The following DPP8 variants were observed in gnomAD, a reference collection of about 807,000 sequenced individuals.
The protein encoded by DPP8 is dipeptidyl peptidase 8.
Under a neutral mutation model 107.5 loss-of-function variants are expected in DPP8, and 31 were observed. That is an observed-to-expected ratio of 0.29 (90% CI 0.22 to 0.39). The LOEUF (loss-of-function observed/expected upper bound fraction) is 0.39, where lower values mean the gene tolerates loss of function less well. Ranked by LOEUF, DPP8 falls within the 10% of genes least tolerant of loss-of-function variation. The pLI is 1.00. For missense variants in DPP8, 842 were observed against 1,076.1 expected, an observed-to-expected ratio of 0.78 and a Z score of 3.04; for synonymous variants, 381 against 356.6, an observed-to-expected ratio of 1.07 and a Z score of -0.77.
chr15:65,500,738 T>TA lies in DPP8; in HGVS notation c.413dup (p.Leu139IlefsTer30). ...TTCCAATGCGTTTTCTTTCTCTTAA[T>TA]AGTTCTTCTTCTCGAGAATACATTC... On this transcript the variant is annotated frameshift_variant, in exon 4 of 20. Transcript: ENST00000300141. LOFTEE classifies it high-confidence loss of function. The TA allele has an allele frequency of 6.2e-7, 1 of 1,614,116 alleles. No individual in the cohort carries two copies.
In DPP8 at chr15:65,466,747, G is replaced by C; in HGVS notation, c.1756C>G (p.Leu586Val). Residue 586 changes from leucine to valine, a missense_variant, in exon 14 of 20, where the codon CTA becomes GTA. By Grantham distance (32) the Leu-to-Val change is conservative. Transcript: ENST00000300141. ...KNPHCVSLYK[L>V]SSPEDDPTCK... ...GTTGGGTCATCTTCAGGACTTGATA[G>C]CTTGTAAAGGGACACACAGTGTGGA... 6.2e-7 allele frequency: 1 copy of C among 1,613,894 alleles called. No individual in the cohort carries two copies. The highest frequency in any genetic ancestry group is 8.5e-7 in the Non-Finnish European group (1 of 1,179,800).
chr15:65,468,893 G>A (rs1291327213), intron 12 of DPP8, among the ~76,000 whole-genome samples: 1 of 152,120 alleles, frequency 6.6e-6, no homozygotes, highest in East Asian at 1.9e-4. Context: ...TATCATAATT[G>A]TGTGGGGGGC....
chr15:65,504,143 AC>A (rs1321555021), intron 3 of DPP8, among the ~76,000 whole-genome samples: 1 of 150,822 alleles, frequency 6.6e-6, no homozygotes, highest in African/African-American at 2.4e-5. Flanking sequence ...TGGGAGGATC[AC>A]CTGAGGTCGG....
chr15:65,507,439 T>C, intron 2 of DPP8, 84 bp from the exon 3 acceptor site: 1 of 783,770 alleles, frequency 1.3e-6, no homozygotes, highest in Non-Finnish European at 2.1e-6. Context: ...TAATGCCTTC[T>C]ATACACTGCA....
intron 4 of DPP8, among the ~76,000 whole-genome samples, chr15:65,499,317 C>G (rs2068953158): frequency 6.6e-6 from 1 of 151,840 alleles, no homozygotes; most frequent in Non-Finnish European, 1.5e-5. Flanking sequence ...CAACCTCCAT[C>G]CAACTCCCAG....
chr15:65,487,893 G>T, intron 6 of DPP8, 75 bp from the exon 7 acceptor site: 1 of 1,003,476 alleles, frequency 1.0e-6, no homozygotes, highest in Non-Finnish European at 1.5e-6. Context: ...GTTCCTTCTA[G>T]TATCAGATTT....
chr15:65,508,866 G>C (rs2070403724), intron 2 of DPP8, among the ~76,000 whole-genome samples: 2 of 151,948 alleles, frequency 1.3e-5, no homozygotes, highest in Admixed American at 6.6e-5. Flanking sequence ...AAAAAAAAGG[G>C]GTATTGCTTC....
intron 3 of DPP8, among the ~76,000 whole-genome samples, chr15:65,506,597 C>G (rs188986948): frequency 6.7e-6 from 1 of 150,020 alleles, no homozygotes; most frequent in East Asian, 1.9e-4. Flanking sequence ...TCTTATTAAA[C>G]ATATATATAT....
chr15:65,451,948 G>T lies in DPP8; in HGVS notation c.2414+12C>A, dbSNP rs1304334730. On this transcript the variant is annotated intron_variant, in intron 18 of 19. Transcript: ENST00000300141. ...TCAATTTAAAAAAAAAAAAAAAAAAGCTTGCACTTACTCAGAGGGGAACTT... is the reference window on the plus strand; with the variant it reads ...TCAATTTAAAAAAAAAAAAAAAAAATCTTGCACTTACTCAGAGGGGAACTT... 6.9e-7 allele frequency: 1 copy of T among 1,457,214 alleles called. No individual in the cohort carries two copies. Among genetic ancestry groups the T allele is most frequent in the South Asian group, 1.3e-5 (1 of 75,256 alleles). 90.3% of individuals were successfully genotyped at this position (1,457,214 alleles called of 1,614,324 possible). A position where few individuals can be genotyped will look rare whatever the true frequency, so the allele number is the denominator to read the frequency against.
chr15:65,457,343 G>A (rs545773119), intron 15 of DPP8, among the ~76,000 whole-genome samples: 142 of 152,142 alleles, frequency 9.3e-4, no homozygotes, highest in African/African-American at 3.3e-3. Context: ...GCAACACAGT[G>A]AGACTCTGTC....
chr15:65,471,346 TTTG>T (rs2065879064), intron 12 of DPP8, among the ~76,000 whole-genome samples: 1 of 152,140 alleles, frequency 6.6e-6, no homozygotes, highest in Non-Finnish European at 1.5e-5. Context: ...CCCTGAAGTT[TTTG>T]TTGTTGCTGT....
intron 8 of DPP8, among the ~76,000 whole-genome samples, chr15:65,481,967 A>AATAT (rs34958127): frequency 6.7e-5 from 10 of 148,982 alleles, no homozygotes; most frequent in Middle Eastern, 3.5e-3. Context: ...TTCACCTAGA[A>AATAT]ATATATATAT....
At position 65,500,655 on chromosome 15, in the gene DPP8, G is replaced by A. The variant is rs778796067; in HGVS notation, c.497C>T (p.Ala166Val). ...TTTTACGTGATAAATTCCACTACCG[G>A]CTTGAAACAGAAATGTTCCACTTCC... ...HQGSGTFLFQ[A>V]GSGIYHVKDG... The change falls in exon 4 of 20, where the codon GCC becomes GTC. Residue 166 changes from alanine to valine, a missense_variant. Transcript: ENST00000300141. The A allele has an allele frequency of 1.2e-6, 2 of 1,613,744 alleles. No individual in the cohort carries two copies. The highest frequency in any genetic ancestry group is 3.3e-5 in the Admixed American group (2 of 59,952).
At chr15:65,507,459 A>T (rs567332698) in intron 2 of DPP8, 104 bp from the exon 3 acceptor site, 2 of 641,132 alleles carry the variant, frequency 3.1e-6, no homozygotes, top group Non-Finnish European at 5.4e-6. Context: ...AATATTTTGC[A>T]CTCTATGGGA....
At chr15:65,488,617 A>C (rs1385956831) in intron 6 of DPP8, among the ~76,000 whole-genome samples, 1 of 151,144 alleles carries the variant, frequency 6.6e-6, no homozygotes, top group Non-Finnish European at 1.5e-5. Context: ...AAAAAAAAAA[A>C]AAAAAAAAAA....
chr15:65,461,450 A>G (rs1291117985), intron 15 of DPP8, among the ~76,000 whole-genome samples: 3 of 152,084 alleles, frequency 2.0e-5, no homozygotes, highest in Admixed American at 6.6e-5. Context: ...TTTAAAATCT[A>G]GTTTTTAGAA....
In DPP8 at chr15:65,481,368, CA is replaced by C; in HGVS notation, c.1118+146del. On this transcript the variant is annotated intron_variant, in intron 9 of 19. Transcript: ENST00000300141. ...TACAAATGCACAAATCCACTTAATTCAAGAAAAATGCCTTGTGTAGTAATAA... is the reference window on the plus strand; with the variant it reads ...TACAAATGCACAAATCCACTTAATTCAGAAAAATGCCTTGTGTAGTAATAA... 6.6e-6 allele frequency: 4 copies of C among 609,268 alleles called. No homozygotes were observed. In the South Asian group the frequency reaches 8.0e-5, roughly 12 times the overall value. 37.7% of individuals were successfully genotyped at this position (609,268 alleles called of 1,614,324 possible).
chr15:65,472,893 C>G (rs1007107047), intron 12 of DPP8, among the ~76,000 whole-genome samples: 13 of 152,038 alleles, frequency 8.6e-5, no homozygotes, highest in African/African-American at 3.1e-4. Flanking sequence ...CAAAAATTAG[C>G]TGGGTGTGGT....
intron 2 of DPP8, among the ~76,000 whole-genome samples, chr15:65,509,108 T>C (rs1051355886): frequency 2.0e-5 from 3 of 152,222 alleles, no homozygotes; most frequent in African/African-American, 7.2e-5. Context: ...TTAGTTTATG[T>C]TGCCTTTGGA....
Sources: allele counts gnomAD v4.1 joint callset (sites outside exome capture counted in the v4.1 genomes callset), GRCh38; gene constraint gnomAD v4.1.1; transcripts MANE v1.5; gene names NCBI Gene and HGNC (gene_info 2026-07-23, HGNC 2026-07-21).